Variants in RNF150 observed in about 807,000 individuals in gnomAD.
RNF150 encodes the protein ring finger protein 150.
RNF150 carries 24 observed loss-of-function variants against 39.3 expected under a neutral mutation model. The ratio of observed to expected loss-of-function variants is 0.61; its 90% confidence interval spans 0.44 to 0.86. The LOEUF (loss-of-function observed/expected upper bound fraction) is 0.86. RNF150 is among the 40% of genes least tolerant of loss of function. The probability of loss-of-function intolerance (pLI) is 0.00; values close to 1 mark genes in which losing one functional copy is unlikely to be tolerated. For missense variants in RNF150, 502 were observed against 587.8 expected (o/e 0.85, Z 1.51); for synonymous variants, 255 against 227.3 (o/e 1.12, Z -1.10).
At chr4:141,151,614 A>C (rs764874278) in intron 1 of RNF150, among the ~76,000 whole-genome samples, 2 of 152,166 alleles carry the variant, frequency 1.3e-5, no homozygotes, top group Non-Finnish European at 2.9e-5. Flanking sequence ...AGAACATTAG[A>C]ATTAGGAGAA....
chr4:141,112,798 G>A (rs987203846), intron 1 of RNF150, among the ~76,000 whole-genome samples: 11 of 152,028 alleles, frequency 7.2e-5, no homozygotes, highest in Admixed American at 6.6e-4. Context: ...AAGTTCTCCT[G>A]GATGGTATCC....
At chr4:141,073,528 A>G (rs1207985841) in intron 1 of RNF150, among the ~76,000 whole-genome samples, 2 of 152,102 alleles carry the variant, frequency 1.3e-5, no homozygotes, top group African/African-American at 4.8e-5. Context: ...GGCGAAGAGG[A>G]CTCTGGAAAG....
At chr4:141,181,415 T>G (rs1454298981) in intron 1 of RNF150, among the ~76,000 whole-genome samples, 2 of 152,176 alleles carry the variant, frequency 1.3e-5, no homozygotes, top group African/African-American at 4.8e-5. Context: ...CTACTTAAAG[T>G]TTTTTCATCT....
At chr4:140,870,176 A>C (rs1301370389) in intron 6 of RNF150, among the ~76,000 whole-genome samples, 3 of 152,246 alleles carry the variant, frequency 2.0e-5, no homozygotes, top group Non-Finnish European at 4.4e-5. Flanking sequence ...GGTATTTCAC[A>C]GGGAAATATC....
chr4:141,102,955 T>A (rs6817313), intron 1 of RNF150, among the ~76,000 whole-genome samples: 1 of 152,008 alleles, frequency 6.6e-6, no homozygotes, highest in African/African-American at 2.4e-5. Context: ...TTTCTTCTTG[T>A]CTTCTGATTC....
intron 2 of RNF150, among the ~76,000 whole-genome samples, chr4:140,957,064 T>C (rs1732786823): frequency 6.7e-6 from 1 of 148,668 alleles, no homozygotes; most frequent in African/African-American, 2.5e-5. Context: ...TGGGATCTAA[T>C]TAAACTAAAG....
chr4:140,953,139 C>T (rs577408529), intron 2 of RNF150, among the ~76,000 whole-genome samples: 1 of 152,272 alleles, frequency 6.6e-6, no homozygotes, highest in South Asian at 2.1e-4. Flanking sequence ...TTGACCAAAA[C>T]GTAGTTATGC....
At chr4:141,156,792 A>G (rs1295701637) in intron 1 of RNF150, among the ~76,000 whole-genome samples, 2 of 151,074 alleles carry the variant, frequency 1.3e-5, no homozygotes, top group African/African-American at 4.9e-5. Context: ...CTGTAATCTC[A>G]GCTACTCAGG....
chr4:141,181,952 A>G (rs1727915693), intron 1 of RNF150, among the ~76,000 whole-genome samples: 1 of 152,190 alleles, frequency 6.6e-6, no homozygotes, highest in Admixed American at 6.6e-5. Flanking sequence ...TTCTAGCTCT[A>G]TCAGTTCCAA....
chr4:141,009,231 C>T (rs991551233), intron 1 of RNF150, among the ~76,000 whole-genome samples: 3 of 152,148 alleles, frequency 2.0e-5, no homozygotes, highest in African/African-American at 7.2e-5. Context: ...TTATATTTCA[C>T]CCAGTGGTTT....
intron 1 of RNF150, among the ~76,000 whole-genome samples, chr4:140,968,392 C>A (rs1054742124): frequency 6.6e-6 from 1 of 151,948 alleles, no homozygotes; most frequent in African/African-American, 2.4e-5. Context: ...CAATTTTCTC[C>A]TATAGTGAGT....
At chr4:141,022,819 C>T (rs1224522214) in intron 1 of RNF150, among the ~76,000 whole-genome samples, 2 of 152,118 alleles carry the variant, frequency 1.3e-5, no homozygotes, top group Non-Finnish European at 2.9e-5. Flanking sequence ...CAAAGTGTCA[C>T]AAAAAATTTT....
At position 140,947,683 on chromosome 4, in the gene RNF150, G is replaced by A. The variant is rs202177869; in HGVS notation, c.861C>T (p.Pro287=). ...NCAVCIEGYK[P]NDVVRILPCR... is the part of the protein sequence containing the mutation. Reference sequence around the variant, plus strand: ...AGGGCAGGATCCGGACAACGTCATTGGGCTTGTACCCTTCAATACAAACTG... The same window carrying A: ...AGGGCAGGATCCGGACAACGTCATTAGGCTTGTACCCTTCAATACAAACTG... Residue 287 remains proline (P), a synonymous_variant, in exon 4 of 7, where the codon CCC becomes CCT. Coordinates refer to ENST00000515673, the MANE Select transcript of RNF150 (RefSeq NM_020724.2). 8 of 1,608,304 alleles carry A rather than the reference G, an allele frequency of 5.0e-6. No homozygotes were observed. In the Admixed American group the frequency reaches 8.5e-5, roughly 17 times the overall value.
At chr4:140,881,128 T>C (rs1416189927) in intron 6 of RNF150, among the ~76,000 whole-genome samples, 1 of 152,132 alleles carries the variant, frequency 6.6e-6, no homozygotes, top group Admixed American at 6.6e-5. Context: ...TCTTTCTTTT[T>C]TAATGTAGTC....
chr4:141,174,109 T>G (rs1307209384), intron 1 of RNF150, among the ~76,000 whole-genome samples: 1 of 152,246 alleles, frequency 6.6e-6, no homozygotes, highest in East Asian at 1.9e-4. Flanking sequence ...AATTGTTATT[T>G]GGGCATATGC....
chr4:141,107,534 T>C (rs140546600), intron 1 of RNF150, among the ~76,000 whole-genome samples: 1 of 152,196 alleles, frequency 6.6e-6, no homozygotes, highest in Non-Finnish European at 1.5e-5. Context: ...CTAAATAATA[T>C]GACAAGGTAG....
intron 2 of RNF150, among the ~76,000 whole-genome samples, chr4:140,965,031 A>G (rs1267180325): frequency 6.6e-6 from 1 of 152,154 alleles, no homozygotes; most frequent in Admixed American, 6.6e-5. Flanking sequence ...TCAGCTCTCT[A>G]CTTCATTCAT....
At chr4:141,143,532 GTGAATACAGTAGTCTTCTAAC>G (rs1224548926) in intron 1 of RNF150, among the ~76,000 whole-genome samples, 3 of 152,164 alleles carry the variant, frequency 2.0e-5, no homozygotes, top group Non-Finnish European at 4.4e-5. Flanking sequence ...GCTTGTCACA[GTGAATACAGTAGTCTTCTAAC>G]TGGACTAAGG....
At chr4:140,894,082 T>C (rs1729854403) in intron 6 of RNF150, among the ~76,000 whole-genome samples, 1 of 152,200 alleles carries the variant, frequency 6.6e-6, no homozygotes, top group Non-Finnish European at 1.5e-5. Context: ...ATCCCTTATG[T>C]AGACAAAGCT....
Sources: gnomAD v4.1 joint callset for allele counts (sites outside exome capture counted in the v4.1 genomes callset) on GRCh38, gnomAD v4.1.1 for gene constraint, MANE v1.5 for transcripts, NCBI Gene and HGNC (gene_info 2026-07-23, HGNC 2026-07-21) for gene names.